Variants in EDARADD observed in about 807,000 individuals in gnomAD.
EDARADD encodes the protein ectodysplasin-A receptor-associated adapter protein.
A neutral mutation model predicts 25.6 loss-of-function variants in EDARADD; 20 were observed. That is an observed-to-expected ratio of 0.78 (90% CI 0.55 to 1.14). EDARADD has a LOEUF of 1.14. Among genes scored for constraint, EDARADD ranks in the 50% most tolerant of loss-of-function variants. The pLI, the probability that EDARADD is intolerant of heterozygous loss-of-function variation, is 0.00. For missense variants in EDARADD, 225 were observed against 270.1 expected (o/e 0.83, Z 1.17); for synonymous variants, 86 against 94.4 (o/e 0.91, Z 0.52).
At chr1:236,434,386 C>T (rs543510718) in intron 4 of EDARADD, among the ~76,000 whole-genome samples, 8 of 152,136 alleles carry the variant, frequency 5.3e-5, no homozygotes, top group South Asian at 4.2e-4. Context: ...TATAGGTGCA[C>T]GCCACCACAC....
intron 4 of EDARADD, among the ~76,000 whole-genome samples, chr1:236,441,584 T>C (rs625454): frequency 0.99 from 148,657 of 149,816 alleles, 73,764 homozygotes; most frequent in Middle Eastern, 1. Context: ...AGTGCAATGG[T>C]GCGATCTCCG....
intron 4 of EDARADD, among the ~76,000 whole-genome samples, chr1:236,437,137 G>T (rs1219010818): frequency 1.3e-5 from 2 of 152,190 alleles, no homozygotes; most frequent in Admixed American, 1.3e-4. Flanking sequence ...CAGAAGCTCC[G>T]TAGGCAAGTA....
At chr1:236,352,907 G>A (rs1017551614) in intron 3 of EDARADD, among the ~76,000 whole-genome samples, 2 of 152,132 alleles carry the variant, frequency 1.3e-5, no homozygotes, top group African/African-American at 4.8e-5. Flanking sequence ...CTACTCGGGA[G>A]GCTGAGGCAG....
At chr1:236,425,532 C>T (rs665049) in intron 3 of EDARADD, among the ~76,000 whole-genome samples, 80,655 of 152,040 alleles carry the variant, frequency 0.53, 21,893 homozygotes, top group Non-Finnish European at 0.59. Context: ...ACAAACAGTG[C>T]CTGTACAGCT....
intron 3 of EDARADD, among the ~76,000 whole-genome samples, chr1:236,368,163 A>G (rs955048184): frequency 6.6e-6 from 1 of 152,164 alleles, no homozygotes; most frequent in South Asian, 2.1e-4. Flanking sequence ...TTGGGAATCC[A>G]GTCAAAATTA....
intron 4 of EDARADD, among the ~76,000 whole-genome samples, chr1:236,463,333 A>G (rs903958382): frequency 7.2e-5 from 11 of 152,336 alleles, no homozygotes; most frequent in African/African-American, 2.4e-4. Context: ...TAACTCTGTC[A>G]TCCAGGCTGG....
chr1:236,451,201 G>A (rs1370569533), intron 4 of EDARADD, among the ~76,000 whole-genome samples: 1 of 152,164 alleles, frequency 6.6e-6, no homozygotes, highest in African/African-American at 2.4e-5. Context: ...GGCCTCTGGA[G>A]CTAGATGGAC....
chr1:236,463,735 C>G (rs901604065), intron 4 of EDARADD, among the ~76,000 whole-genome samples: 4 of 152,218 alleles, frequency 2.6e-5, no homozygotes, highest in Admixed American at 2.6e-4. Context: ...TCCCCATTCC[C>G]CATTTCTGCT....
intron 4 of EDARADD, among the ~76,000 whole-genome samples, chr1:236,444,697 T>G (rs1658485047): frequency 6.6e-6 from 1 of 152,212 alleles, no homozygotes; most frequent in African/African-American, 2.4e-5. Flanking sequence ...GTGCTGGGAT[T>G]ATAGGCGTGA....
intron 3 of EDARADD, among the ~76,000 whole-genome samples, chr1:236,366,204 A>C (rs1667111255): frequency 6.6e-6 from 1 of 152,158 alleles, no homozygotes; most frequent in African/African-American, 2.4e-5. Flanking sequence ...TGGGTGCTGG[A>C]TATTTTTATA....
chr1:236,466,703 A>G (rs773610391), intron 4 of EDARADD, among the ~76,000 whole-genome samples: 1 of 152,196 alleles, frequency 6.6e-6, no homozygotes, highest in Non-Finnish European at 1.5e-5. Context: ...CTGCTGAGAC[A>G]TGGCGATGGG....
chr1:236,368,068 A>ACACT (rs2102992884), intron 3 of EDARADD, among the ~76,000 whole-genome samples: 1 of 152,288 alleles, frequency 6.6e-6, no homozygotes, highest in East Asian at 1.9e-4. Context: ...ACATAGTGAG[A>ACACT]CACTGCATTG....
intron 5 of EDARADD, among the ~76,000 whole-genome samples, chr1:236,474,098 C>T (rs904223853): frequency 6.6e-6 from 1 of 152,090 alleles, no homozygotes; most frequent in East Asian, 1.9e-4. Flanking sequence ...AAACGTCAAG[C>T]CTTGAGGAAG....
At chr1:236,437,678 A>G (rs1658293971) in intron 4 of EDARADD, among the ~76,000 whole-genome samples, 1 of 151,668 alleles carries the variant, frequency 6.6e-6, no homozygotes. Flanking sequence ...TAAACTTACC[A>G]TCATCTCATA....
At chr1:236,470,949 G>T (rs1051706366) in intron 5 of EDARADD, among the ~76,000 whole-genome samples, 1 of 152,090 alleles carries the variant, frequency 6.6e-6, no homozygotes, top group Non-Finnish European at 1.5e-5. Context: ...CCCCATGTTG[G>T]CCAGGCTGGT....
At chr1:236,444,905 A>C (rs1416721735) in intron 4 of EDARADD, among the ~76,000 whole-genome samples, 1 of 152,070 alleles carries the variant, frequency 6.6e-6, no homozygotes, top group Non-Finnish European at 1.5e-5. Flanking sequence ...CAGAGTTTTT[A>C]TAGTTTTCCT....
intron 2 of EDARADD, among the ~76,000 whole-genome samples, chr1:236,349,416 G>T (rs1035447766): frequency 1.3e-5 from 2 of 152,068 alleles, no homozygotes; most frequent in Non-Finnish European, 2.9e-5. Context: ...TGCGTGACAT[G>T]TGCCCAAGGT....
At position 236,395,148 on chromosome 1, in the gene EDARADD, G is replaced by A. The variant is rs982899609; in HGVS notation, c.61+643G>A. ...TGTCTCAGCTGAGGGCGTGAGTAGG[G>A]AGCCAGGAAAGCGACCCGCGACTGC... On this transcript the variant is annotated intron_variant, in intron 1 of 5. Transcript: ENST00000334232. The surrounding 1 kb of genome is among the most constrained non-coding windows in gnomAD (Gnocchi z 6.9). 1.3e-5 allele frequency among the ~76,000 whole-genome samples: 2 copies of A among 152,230 alleles called. No homozygotes were observed. Among genetic ancestry groups the A allele is most frequent in the Admixed American group, 6.5e-5 (1 of 15,288 alleles).
In EDARADD at chr1:236,460,011, G is replaced by T. The variant is rs376789201; in HGVS notation, c.220-8220G>T. On this transcript the variant is annotated intron_variant, in intron 4 of 5. Coordinates refer to ENST00000334232, the MANE Select transcript of EDARADD (RefSeq NM_145861.4). ...TTCTGTCTGTGCTTTGTAACACGTG[G>T]TTCCTTATGATGTCAATATTTATGC... is the stretch of plus-strand genomic sequence containing the variant. Among the ~76,000 whole-genome samples the T allele has an allele frequency of 2.0e-5, 3 of 151,998 alleles. No individual in the cohort carries two copies. In the East Asian group the frequency reaches 5.8e-4, roughly 29 times the overall value.
Sources: gnomAD v4.1 joint callset for allele counts (sites outside exome capture counted in the v4.1 genomes callset) on GRCh38, gnomAD v4.1.1 for gene constraint, Gnocchi (gnomAD v3.1) non-coding constraint, MANE v1.5 for transcripts, NCBI Gene and HGNC (gene_info 2026-07-23, HGNC 2026-07-21) for gene names.